Variants in RTTN observed in about 807,000 individuals in gnomAD.
RTTN encodes rotatin.
A neutral mutation model predicts 269.2 loss-of-function variants in RTTN; 182 were observed. The observed-to-expected ratio is 0.68, with a 90% CI of 0.60 to 0.76. The LOEUF is 0.76. Among genes scored for constraint, RTTN ranks in the 30% least tolerant of loss-of-function variants. RTTN has a pLI of 0.00. For synonymous variants in RTTN, 1,006 were observed against 963.5 expected, an observed-to-expected ratio of 1.04 and a Z score of -0.82; for missense variants, 2,545 against 2,608.6, an observed-to-expected ratio of 0.98 and a Z score of 0.53.
At chr18:70,094,847 T>A (rs1050927439) in intron 28 of RTTN, among the ~76,000 whole-genome samples, 10 of 152,072 alleles carry the variant, frequency 6.6e-5, no homozygotes, top group African/African-American at 2.4e-4. Context: ...CCTTTTTTTT[T>A]TTCTGAATAT....
At chr18:70,197,240 G>A (rs963618491) in intron 6 of RTTN, among the ~76,000 whole-genome samples, 2 of 152,134 alleles carry the variant, frequency 1.3e-5, no homozygotes, top group Admixed American at 6.5e-5. Context: ...ATCCATCTGC[G>A]TTACTCACCG....
Position 70,004,204 on chromosome 18 carries a change from C to A in RTTN, c.6628G>T (p.Ala2210Ser). ...TTTTCAAGACATTTCAAATAATAGG[C>A]ATTTAGAGGGTTTGCTTCTGAGTTT... is the stretch of plus-strand genomic sequence containing the variant. ...FPNSEANPLN[A>S]YYLKCLENLV... Residue 2210 changes from alanine to serine, a missense_variant, in exon 49 of 49, where the codon GCC (alanine) becomes TCC (serine). Physicochemically the swap from Ala to Ser is moderately conservative, Grantham distance 99. Transcript: ENST00000640769. The A allele has an allele frequency of 3.1e-6, 5 of 1,613,662 alleles. No individual in the cohort carries two copies. The highest frequency in any genetic ancestry group is 4.2e-6 in the Non-Finnish European group (5 of 1,179,680).
chr18:70,116,817 C>T (rs971570620), intron 26 of RTTN, among the ~76,000 whole-genome samples: 1 of 152,056 alleles, frequency 6.6e-6, no homozygotes, highest in Middle Eastern at 3.4e-3. Flanking sequence ...GAGCCCGTTA[C>T]GGGAAAGCCA....
intron 23 of RTTN, among the ~76,000 whole-genome samples, chr18:70,133,657 AG>A (rs1177569695): frequency 6.6e-6 from 1 of 152,160 alleles, no homozygotes; most frequent in Non-Finnish European, 1.5e-5. Context: ...TTCAAAAACT[AG>A]CAAAAATAAT....
chr18:70,183,509 T>C (rs543888530), intron 10 of RTTN, among the ~76,000 whole-genome samples: 1 of 152,294 alleles, frequency 6.6e-6, no homozygotes, highest in East Asian at 1.9e-4. Context: ...GGACATTCAA[T>C]AGAGGTCCCA....
At position 70,205,609 on chromosome 18, in the gene RTTN, G is replaced by T; in HGVS notation, c.31+19C>A. 1 of 1,614,052 alleles carries T rather than the reference G, an allele frequency of 6.2e-7. No homozygotes were observed. ...AGAGCGCGGGGGGTGCCTTGGGCGA[G>T]GGGCAAGCTGACAGTTACCGAGTTT... On this transcript the variant is annotated intron_variant, in intron 1 of 48. Transcript: ENST00000640769.
At chr18:70,190,510 C>A in intron 9 of RTTN, 28 bp downstream of exon 9, 1 of 1,538,378 alleles carries the variant, frequency 6.5e-7, no homozygotes, top group Non-Finnish European at 8.9e-7. Flanking sequence ...CAAATTATAT[C>A]AGAATTACGA....
chr18:70,175,690 T>C (rs2061273478), intron 11 of RTTN, among the ~76,000 whole-genome samples: 1 of 149,090 alleles, frequency 6.7e-6, no homozygotes, highest in African/African-American at 2.5e-5. Flanking sequence ...GCAATATACA[T>C]AAAGTACAAC....
intron 14 of RTTN, among the ~76,000 whole-genome samples, chr18:70,158,777 A>C (rs1276484245): frequency 6.6e-6 from 1 of 152,212 alleles, no homozygotes; most frequent in Non-Finnish European, 1.5e-5. Context: ...GAAAACAAAA[A>C]AAGAGCAGGA....
chr18:70,051,387 A>C (rs1398184940), intron 39 of RTTN, 24 bp downstream of exon 39: 1 of 1,586,094 alleles, frequency 6.3e-7, no homozygotes, highest in Non-Finnish European at 8.5e-7. Flanking sequence ...GAAAGCCCCC[A>C]AGATTATGCA....
intron 17 of RTTN, 99 bp from the exon 18 acceptor site, chr18:70,145,882 A>T: frequency 2.2e-6 from 2 of 892,158 alleles, no homozygotes; most frequent in Non-Finnish European, 3.3e-6. Flanking sequence ...ACAAAGTACA[A>T]TAAGTAGTCA....
At chr18:70,011,675 G>T (rs1721155586) in intron 46 of RTTN, among the ~76,000 whole-genome samples, 1 of 152,192 alleles carries the variant, frequency 6.6e-6, no homozygotes, top group Admixed American at 6.5e-5. Flanking sequence ...TTGAAAACTG[G>T]CACAAGACAA....
chr18:70,143,940 G>C (rs986532279), intron 18 of RTTN, among the ~76,000 whole-genome samples: 2 of 151,608 alleles, frequency 1.3e-5, no homozygotes, highest in African/African-American at 2.4e-5. Context: ...GCTCACTGCA[G>C]ACTCGACTTC....
intron 25 of RTTN, among the ~76,000 whole-genome samples, chr18:70,125,052 T>C (rs1213911560): frequency 6.6e-6 from 1 of 152,086 alleles, no homozygotes; most frequent in Admixed American, 6.6e-5. Context: ...TATAATTGTA[T>C]GCTTGTGTGT....
chr18:70,102,261 T>C (rs2059189479), intron 28 of RTTN, among the ~76,000 whole-genome samples: 1 of 152,238 alleles, frequency 6.6e-6, no homozygotes, highest in South Asian at 2.1e-4. Context: ...TGGGTGCTCC[T>C]GTACTGGGTG....
At chr18:70,046,048 C>T (rs549901348) in intron 40 of RTTN, among the ~76,000 whole-genome samples, 1 of 151,568 alleles carries the variant, frequency 6.6e-6, no homozygotes, top group South Asian at 2.1e-4. Context: ...ACAAATTCCT[C>T]TAGCACAGAT....
At chr18:70,185,108 A>C (rs2061516795) in intron 10 of RTTN, among the ~76,000 whole-genome samples, 1 of 152,130 alleles carries the variant, frequency 6.6e-6, no homozygotes, top group African/African-American at 2.4e-5. Flanking sequence ...AAGAAAGGAC[A>C]GTCATTTGAA....
chr18:70,205,463 G>A (rs2062054025), intron 1 of RTTN, 148 bp from the exon 2 acceptor site: 1 of 1,368,210 alleles, frequency 7.3e-7, no homozygotes, highest in East Asian at 2.3e-5. Flanking sequence ...GAACCGCGAA[G>A]TTTACACAAA....
In RTTN at chr18:70,193,383, A is replaced by G; in HGVS notation, c.912T>C (p.Pro304=). 1 of 1,608,858 alleles carries G rather than the reference A, an allele frequency of 6.2e-7. No homozygotes were observed. ...EARGTHHSQN[P]SPGSSSPRPS... ...GCCGAGGGCTGCTGCTTCCTGGGGA[A>G]GGATTCTGGGAATGATGAGTACCTC... Residue 304 remains proline (P), a synonymous_variant, in exon 8 of 49, where the codon CCT becomes CCC. Coordinates refer to ENST00000640769, the MANE Select transcript of RTTN (RefSeq NM_173630.4).
Sources: allele counts gnomAD v4.1 joint callset (sites outside exome capture counted in the v4.1 genomes callset), GRCh38; gene constraint gnomAD v4.1.1; transcripts MANE v1.5; gene names NCBI Gene and HGNC (gene_info 2026-07-23, HGNC 2026-07-21).